The following ARHGAP4 variants were observed in gnomAD, a reference collection of about 807,000 sequenced individuals.
ARHGAP4 encodes rho GTPase-activating protein 4.
ARHGAP4 carries 25 observed loss-of-function variants against 67.6 expected under a neutral mutation model. The ratio of observed to expected loss-of-function variants is 0.37; its 90% CI spans 0.27 to 0.52. The LOEUF is 0.52. Among genes scored for constraint, ARHGAP4 ranks in the 20% least tolerant of loss-of-function variants. The pLI, the probability that ARHGAP4 is intolerant of heterozygous loss-of-function variation, is 0.92. For missense variants in ARHGAP4, 804 were observed against 854.6 expected, an observed-to-expected ratio of 0.94 and a Z score of 0.74; for synonymous variants, 448 against 373.7, an observed-to-expected ratio of 1.20 and a Z score of -2.29.
Position 153,910,253 on chromosome X carries a change from C to T in ARHGAP4, c.2074G>A (p.Asp692Asn), listed in dbSNP as rs372368545. ...QLVQTLIVQPDRVFPPLTSLP... is the reference protein window; with the variant it reads ...QLVQTLIVQPNRVFPPLTSLP... ...GAGGTCAGGGGCGGGAAGACCCGAT[C>T]GGGCTGCACTATGAGCGTCTGCACC... Residue 692 changes from aspartate (D) to asparagine (N), a missense_variant, in exon 17 of 22, where the codon GAT becomes AAT. Coordinates refer to ENST00000350060, the MANE Select transcript of ARHGAP4 (RefSeq NM_001666.5). 2.4e-5 allele frequency: 29 copies of T among 1,209,231 alleles called. No individual in the cohort carries two copies. The African/African-American group carries it at 3.7e-4, about 15-fold the overall frequency.
Position 153,921,803 on chromosome X carries a change from C to A in ARHGAP4, c.74G>T (p.Arg25Leu). The A allele has an allele frequency of 8.4e-7, 1 of 1,185,968 alleles. No individual in the cohort carries two copies. The highest frequency in any genetic ancestry group is 1.1e-6 in the Non-Finnish European group (1 of 884,466). The change falls in exon 2 of 22, where the codon CGC becomes CTC. Residue 25 changes from arginine (R) to leucine (L), a missense_variant. This residue lies in a region of ARHGAP4 where 404 missense variants were observed against 505.9 expected (regional missense o/e 0.80). Transcript: ENST00000350060. ...AEYETQVKEM[R>L]WQLSEQLRCL... ...GCGCAGCTGCTCGCTCAGCTGCCAG[C>A]GCATCTCTGTGGGGGGAACCATGGC... is the stretch of plus-strand genomic sequence containing the variant.
intron 3 of ARHGAP4, 38 bp from the exon 4 acceptor site, chrX:153,921,197 G>C: frequency 9.3e-6 from 11 of 1,184,670 alleles, no homozygotes; most frequent in Non-Finnish European, 9.1e-6. Flanking sequence ...GCACTGCCCA[G>C]AGCGGCCCCG....
At chrX:153,920,540 C>T in intron 5 of ARHGAP4, 86 bp downstream of exon 5, 1 of 1,027,374 alleles carries the variant, frequency 9.7e-7, no homozygotes, top group South Asian at 2.3e-5. Flanking sequence ...CCCCTGCACC[C>T]AGCCCTGACT....
chrX:153,913,165 A>G, intron 10 of ARHGAP4, 53 bp downstream of exon 10: 1 of 1,159,112 alleles, frequency 8.6e-7, no homozygotes, highest in Non-Finnish European at 1.2e-6. Context: ...ACCGTGGGCT[A>G]GACAGGGTCC....
chrX:153,909,634 GT>G, intron 19 of ARHGAP4, 99 bp from the exon 20 acceptor site: 3 of 1,085,300 alleles, frequency 2.8e-6, no homozygotes, highest in Non-Finnish European at 3.7e-6. Flanking sequence ...GAGAGGCTCT[GT>G]TCTCTGGCCC....
In ARHGAP4 at chrX:153,913,375, C is replaced by T. The variant is rs782609258; in HGVS notation, c.1326+34G>A. On this transcript the variant is annotated intron_variant, in intron 9 of 21. Transcript: ENST00000350060. Reference sequence around the variant, plus strand: ...CCTCCCTCTGCCCCAGCAATGCCCCCACGGGTCCCGCCCACCAGCCCAGCC... The same window carrying T: ...CCTCCCTCTGCCCCAGCAATGCCCCTACGGGTCCCGCCCACCAGCCCAGCC... 5.8e-6 allele frequency: 7 copies of T among 1,206,876 alleles called. No individual in the cohort carries two copies. In the South Asian group the frequency reaches 1.1e-4, roughly 18 times the overall value.
chrX:153,910,640 G>A (rs782411236), intron 15 of ARHGAP4, 29 bp from the exon 16 acceptor site: 720 of 1,187,025 alleles, frequency 6.1e-4, no homozygotes, highest in Middle Eastern at 3.8e-3. Context: ...AGAGAGAGCC[G>A]CGTGAGCGGG....
chrX:153,914,414 G>A (rs959047926), intron 7 of ARHGAP4, among the ~76,000 whole-genome samples: 3 of 112,756 alleles, frequency 2.7e-5, no homozygotes, highest in African/African-American at 9.7e-5. Flanking sequence ...ACAGAATGGT[G>A]GCCCGGCGCA....
Position 153,918,893 on chromosome X carries a change from A to C in ARHGAP4, c.971T>G (p.Val324Gly). ...CGGGGGACAGAAGACGGTAGCATGC[A>C]CCTCGAGAACCTTGGCTTTGTCCCC... is the stretch of plus-strand genomic sequence containing the variant. Reference protein sequence around the residue: ...PPGDKAKVLEVHATVFCPPLR... With the variant: ...PPGDKAKVLEGHATVFCPPLR... The change falls in exon 7 of 22, where the codon GTG becomes GGG. Residue 324 changes from valine to glycine, a missense_variant. Physicochemically the swap from Val to Gly is moderately radical, Grantham distance 109. Transcript: ENST00000350060. 8.3e-7 allele frequency: 1 copy of C among 1,211,817 alleles called. No homozygotes were observed. Among genetic ancestry groups the C allele is most frequent in the Non-Finnish European group, 1.1e-6 (1 of 895,484 alleles).
rs1341642627 is a variant in ARHGAP4, at chrX:153,920,812, C to T, written c.499-4G>A. 1 of 1,210,851 alleles carries T rather than the reference C, an allele frequency of 8.3e-7. No homozygotes were observed. The highest frequency in any genetic ancestry group is 3.0e-5 in the East Asian group (1 of 33,781). On this transcript the variant is annotated splice_polypyrimidine_tract_variant and splice_region_variant and intron_variant, in intron 4 of 21. Transcript: ENST00000350060. The stretch of plus-strand genomic sequence containing the variant: ...ATGCCTGGTACGTCTTCTTGGCCTG[C>T]AGGGAGACCCAAAGCAAGGTGGTGC...
At position 153,920,764 on chromosome X, in the gene ARHGAP4, G is replaced by C; in HGVS notation, c.543C>G (p.Ala181=). Residue 181 remains alanine, a synonymous_variant, in exon 5 of 22, where the codon GCC becomes GCG. Coordinates refer to ENST00000350060, the MANE Select transcript of ARHGAP4 (RefSeq NM_001666.5). ...GCTCGGCCTCCCGGAGCTTGGCCTC[G>C]GCATTCACGCTCTCCATGTGATATG... ...YQAYHMESVN[A]EAKLREAERQ... is the part of the protein sequence containing the mutation. 1 of 1,212,043 alleles carries C rather than the reference G, an allele frequency of 8.3e-7. No homozygotes were observed. The highest frequency in any genetic ancestry group is 1.1e-6 in the Non-Finnish European group (1 of 895,585).
At position 153,907,559 on chromosome X, in the gene ARHGAP4, G is replaced by C; in HGVS notation, c.*170C>G. ...TGGGCCAGGGCTGAGGGGCAGGCAG[G>C]ATGTGGAGCGGGCATCCCTGTGTGC... On this transcript the variant is annotated 3_prime_UTR_variant, in exon 22 of 22. Coordinates refer to ENST00000350060, the MANE Select transcript of ARHGAP4 (RefSeq NM_001666.5). 2.6e-6 allele frequency: 1 copy of C among 377,398 alleles called. No individual in the cohort carries two copies. The highest frequency in any genetic ancestry group is 4.5e-6 in the Non-Finnish European group (1 of 220,878). The allele number at this position is 377,398 out of a possible 1,213,427, so 31.1% of individuals were successfully genotyped here.
At chrX:153,914,149 A>G in intron 7 of ARHGAP4, 1 of 376,320 alleles carries the variant, frequency 2.7e-6, no homozygotes, top group Admixed American at 4.5e-5. Context: ...GGATTCAGCC[A>G]CGAGAAGGAA....
chrX:153,919,792 A>ATT (rs200702381), intron 5 of ARHGAP4: 125 of 690,522 alleles, frequency 1.8e-4, no homozygotes, highest in Middle Eastern at 5.5e-4. Context: ...TTTTTTTTTT[A>ATT]TTTTTTTTTT....
rs782050839 is a variant in ARHGAP4 at position 153,921,710 on chromosome X, C to T, written c.167G>A (p.Arg56His). ...LQELAEFMRR[R>H]AEVELEYSRG... is the part of the protein sequence containing the mutation. ...GGAGTATTCCAGCTCCACCTCAGCGCGGCGCCGCATGAACTCTGCCAGCTC... is the reference window on the plus strand; with the variant it reads ...GGAGTATTCCAGCTCCACCTCAGCGTGGCGCCGCATGAACTCTGCCAGCTC... Residue 56 changes from arginine to histidine, a missense_variant, in exon 2 of 22, where the codon CGC becomes CAC. Physicochemically the swap from Arg to His is conservative, Grantham distance 29. Transcript: ENST00000350060. 5 of 1,204,283 alleles carry T rather than the reference C, an allele frequency of 4.2e-6. No homozygotes were observed. The South Asian group carries it at 7.1e-5, about 17-fold the overall frequency.
At position 153,910,579 on chromosome X, in the gene ARHGAP4, C is replaced by T. The variant is rs1557102857; in HGVS notation, c.1849G>A (p.Val617Met). ...GGCAGCCGCCACAGCAGGCGGCTCA[C>T]GTGCTCCACCCTCTCCGCTGTGGCC... Reference protein sequence around the residue: ...LEATAERVEHVSRLLWRLPAP... With the variant: ...LEATAERVEHMSRLLWRLPAP... The change falls in exon 16 of 22, where the codon GTG (valine) becomes ATG (methionine). Residue 617 changes from valine to methionine, a missense_variant. Val to Met is a conservative substitution (Grantham distance 21, BLOSUM62 1). Transcript: ENST00000350060. 2.2e-5 allele frequency: 27 copies of T among 1,208,624 alleles called. No individual in the cohort carries two copies. Among genetic ancestry groups the T allele is most frequent in the African/African-American group, 3.5e-5 (2 of 57,908 alleles).
chrX:153,926,047 C>G, intron 1 of ARHGAP4, 89 bp downstream of exon 1: 1 of 1,121,770 alleles, frequency 8.9e-7, no homozygotes, highest in Non-Finnish European at 1.2e-6. Context: ...GAGCATCGGG[C>G]CCTGGGCCAG....
Position 153,910,625 on chromosome X carries a change from C to T in ARHGAP4, c.1817-14G>A, listed in dbSNP as rs782653887. 2.4e-5 allele frequency: 29 copies of T among 1,197,056 alleles called. No homozygotes were observed. The highest frequency in any genetic ancestry group is 6.7e-5 in the Admixed American group (3 of 44,960). On this transcript the variant is annotated splice_polypyrimidine_tract_variant and intron_variant, in intron 15 of 21. Transcript: ENST00000350060. ...TGGCCTCCAGCTCTGTGGCCAAAGC[C>T]GCCCAGAGAGAGCCGCGTGAGCGGG...
rs1347198081 is a variant in ARHGAP4, at chrX:153,925,991, G to A, written c.67+145C>T. The stretch of plus-strand genomic sequence containing the variant: ...AAATGGGCGTCGGGAGGCAGGCAAG[G>A]GGCTCAGGCTCCCTCCTCCACCCCC... On this transcript the variant is annotated intron_variant, in intron 1 of 21. Coordinates refer to ENST00000350060, the MANE Select transcript of ARHGAP4 (RefSeq NM_001666.5). 11 of 826,661 alleles carry A rather than the reference G, an allele frequency of 1.3e-5. No individual in the cohort carries two copies. In the Admixed American group the frequency reaches 4.4e-4, roughly 33 times the overall value. The allele number at this position is 826,661 out of a possible 1,213,427, so 68.1% of individuals were successfully genotyped here.
Sources: gnomAD v4.1 joint callset for allele counts (sites outside exome capture counted in the v4.1 genomes callset) on GRCh38, gnomAD v4.1.1 for gene constraint, gnomAD v4.1.1 regional missense constraint, MANE v1.5 for transcripts, NCBI Gene and HGNC (gene_info 2026-07-23, HGNC 2026-07-21) for gene names.